Variants in RIT2 observed in about 807,000 individuals in gnomAD.
RIT2 encodes Ras like without CAAX 2, also known as GTP-binding protein Rit2.
RIT2 carries 24 observed loss-of-function variants against 23.7 expected under a neutral mutation model. The ratio of observed to expected loss-of-function variants is 1.01; its 90% CI spans 0.73 to 1.43. The LOEUF (loss-of-function observed/expected upper bound fraction) is 1.43, where lower values mean the gene tolerates loss of function less well. Ranked by LOEUF, RIT2 falls within the 40% of genes most tolerant of loss-of-function variation. The pLI, the probability that RIT2 is intolerant of heterozygous loss-of-function variation, is 0.00. For synonymous variants in RIT2, 107 were observed against 91.1 expected, an observed-to-expected ratio of 1.17 and a Z score of -0.99; for missense variants, 236 against 266.9, an observed-to-expected ratio of 0.88 and a Z score of 0.81.
chr18:43,045,228 C>T (rs1280731818), intron 1 of RIT2, among the ~76,000 whole-genome samples: 2 of 152,126 alleles, frequency 1.3e-5, no homozygotes, highest in Non-Finnish European at 2.9e-5. Context: ...CTAATGGAGA[C>T]AATTACTGGA....
intron 1 of RIT2, among the ~76,000 whole-genome samples, chr18:43,091,324 C>G (rs1409381659): frequency 6.6e-6 from 1 of 152,028 alleles, no homozygotes; most frequent in Non-Finnish European, 1.5e-5. Flanking sequence ...AAATGGCAAT[C>G]TTAAGACAGA....
At chr18:43,076,806 T>C (rs1266290176) in intron 1 of RIT2, among the ~76,000 whole-genome samples, 2 of 152,248 alleles carry the variant, frequency 1.3e-5, no homozygotes, top group African/African-American at 2.4e-5. Flanking sequence ...TGTTTCTTTT[T>C]AAGAGGCTCA....
At chr18:42,971,144 T>G (rs995521505) in intron 3 of RIT2, among the ~76,000 whole-genome samples, 2 of 151,978 alleles carry the variant, frequency 1.3e-5, no homozygotes, top group African/African-American at 4.8e-5. Context: ...TCAACATACA[T>G]TGAAAATTAA....
At chr18:43,077,631 T>C (rs954196410) in intron 1 of RIT2, among the ~76,000 whole-genome samples, 2 of 152,206 alleles carry the variant, frequency 1.3e-5, no homozygotes, top group African/African-American at 2.4e-5. Context: ...TGATGATTCA[T>C]GTAACATCTT....
chr18:42,794,576 A>C (rs73951755), intron 4 of RIT2, among the ~76,000 whole-genome samples: 2,391 of 152,340 alleles, frequency 0.016, 80 homozygotes, highest in African/African-American at 0.054. Flanking sequence ...AGGTTAATAC[A>C]GATAGTTAAA....
intron 4 of RIT2, among the ~76,000 whole-genome samples, chr18:42,908,474 A>G (rs768805597): frequency 5.3e-5 from 8 of 152,190 alleles, no homozygotes; most frequent in Non-Finnish European, 1.0e-4. Context: ...GTTAAACCTA[A>G]AACTACACCA....
intron 4 of RIT2, among the ~76,000 whole-genome samples, chr18:42,900,023 T>C (rs72906924): frequency 0.013 from 1,991 of 152,152 alleles, 17 homozygotes; most frequent in Non-Finnish European, 0.019. Context: ...ATTTAATTAA[T>C]TAATGAAAAT....
intron 3 of RIT2, among the ~76,000 whole-genome samples, chr18:42,937,949 C>T (rs577520324): frequency 6.6e-6 from 1 of 152,214 alleles, no homozygotes; most frequent in Non-Finnish European, 1.5e-5. Context: ...TGGTAGTTCT[C>T]TCCCTCTGAC....
At chr18:42,831,996 T>C (rs1190217752) in intron 4 of RIT2, among the ~76,000 whole-genome samples, 2 of 152,128 alleles carry the variant, frequency 1.3e-5, no homozygotes, top group African/African-American at 4.8e-5. Context: ...CCTACAAACA[T>C]CCACACAGAC....
intron 2 of RIT2, among the ~76,000 whole-genome samples, chr18:43,006,110 G>T (rs1911221912): frequency 6.6e-6 from 1 of 151,722 alleles, no homozygotes; most frequent in South Asian, 2.1e-4. Context: ...TTAGATAAAA[G>T]TAGGGGAAGA....
At chr18:42,948,033 T>G (rs1370261711) in intron 3 of RIT2, among the ~76,000 whole-genome samples, 1 of 152,092 alleles carries the variant, frequency 6.6e-6, no homozygotes, top group Non-Finnish European at 1.5e-5. Context: ...TTAGCAGAAC[T>G]ACTTTTGGAA....
chr18:42,750,521 G>A (rs1489066787), intron 4 of RIT2, among the ~76,000 whole-genome samples: 1 of 151,778 alleles, frequency 6.6e-6, no homozygotes, highest in Non-Finnish European at 1.5e-5. Flanking sequence ...TTGTCCTCCA[G>A]TATAGTAATA....
At chr18:42,928,617 A>C (rs1195425123) in intron 3 of RIT2, among the ~76,000 whole-genome samples, 1 of 151,986 alleles carries the variant, frequency 6.6e-6, no homozygotes, top group African/African-American at 2.4e-5. Context: ...AATACAGAAA[A>C]AATTATAAAG....
At chr18:42,898,344 A>C (rs962048529) in intron 4 of RIT2, among the ~76,000 whole-genome samples, 1 of 152,130 alleles carries the variant, frequency 6.6e-6, no homozygotes, top group African/African-American at 2.4e-5. Flanking sequence ...CAGTGAGCTG[A>C]GATTGCACCA....
chr18:43,062,312 C>T (rs146077616), intron 1 of RIT2, among the ~76,000 whole-genome samples: 116 of 152,050 alleles, frequency 7.6e-4, no homozygotes, highest in African/African-American at 2.5e-3. Flanking sequence ...TACTTCAAGA[C>T]AAAAAAGAGG....
chr18:43,065,812 T>C (rs941635541), intron 1 of RIT2, among the ~76,000 whole-genome samples: 14 of 152,068 alleles, frequency 9.2e-5, no homozygotes, highest in African/African-American at 3.1e-4. Flanking sequence ...ACATGAACAA[T>C]AAATAAAATT....
chr18:43,028,822 CA>C (rs1911790512), intron 2 of RIT2, among the ~76,000 whole-genome samples: 1 of 151,996 alleles, frequency 6.6e-6, no homozygotes, highest in South Asian at 2.1e-4. Flanking sequence ...ATTTATATTT[CA>C]ACAGGAATTT....
chr18:42,891,385 T>G (rs1475457303), intron 4 of RIT2, among the ~76,000 whole-genome samples: 1 of 152,206 alleles, frequency 6.6e-6, no homozygotes, highest in African/African-American at 2.4e-5. Flanking sequence ...ACTGAAGTTA[T>G]TAGCATATTT....
chr18:42,947,804 C>T (rs943962968), intron 3 of RIT2, among the ~76,000 whole-genome samples: 8 of 151,954 alleles, frequency 5.3e-5, no homozygotes, highest in Non-Finnish European at 7.4e-5. Flanking sequence ...ACATCCTGTT[C>T]AATGTTCATA....
Sources: gnomAD v4.1 joint callset for allele counts (sites outside exome capture counted in the v4.1 genomes callset) on GRCh38, gnomAD v4.1.1 for gene constraint, MANE v1.5 for transcripts, NCBI Gene and HGNC (gene_info 2026-07-23, HGNC 2026-07-21) for gene names.